Variants in TRMT44 observed in about 807,000 individuals in gnomAD.
TRMT44 encodes tRNA methyltransferase 44 homolog.
A neutral mutation model predicts 77.3 loss-of-function variants in TRMT44; 78 were observed. The observed-to-expected ratio is 1.01, with a 90% confidence interval of 0.84 to 1.22. TRMT44 has a LOEUF of 1.22. TRMT44 is among the 50% of genes most tolerant of loss of function. TRMT44 has a pLI of 0.00. For missense variants in TRMT44, 1,090 were observed against 964.4 expected (o/e 1.13, Z -1.73); for synonymous variants, 391 against 383.3 (o/e 1.02, Z -0.23).
chr4:8,469,308 A>C (rs1316867982), intron 9 of TRMT44, among the ~76,000 whole-genome samples: 2 of 152,090 alleles, frequency 1.3e-5, no homozygotes, highest in African/African-American at 2.4e-5. Flanking sequence ...GCTGCAAACC[A>C]CCAGGCACCG....
At position 8,446,460 on chromosome 4, in the gene TRMT44, C is replaced by G. The variant is rs929906964; in HGVS notation, c.620-16C>G. The G allele has an allele frequency of 2.5e-5, 38 of 1,499,220 alleles. No homozygotes were observed. The highest frequency in any genetic ancestry group is 3.4e-4 in the Middle Eastern group (2 of 5,922). 92.9% of individuals were successfully genotyped at this position (1,499,220 alleles called of 1,614,324 possible). ...TAGGCAGTTGTAATTTGTCCTTCTT[C>G]TCTTTTTCTTTCCAGATGTCCTCAA... On this transcript the variant is annotated splice_polypyrimidine_tract_variant and intron_variant, in intron 1 of 10. Transcript: ENST00000389737. The surrounding 1 kb of genome is among the most constrained non-coding windows in gnomAD (Gnocchi z 4.3).
intron 6 of TRMT44, among the ~76,000 whole-genome samples, chr4:8,460,489 A>G (rs1328836242): frequency 6.6e-6 from 1 of 152,152 alleles, no homozygotes; most frequent in African/African-American, 2.4e-5. Flanking sequence ...CAGGCATATC[A>G]TTTCATAGAA....
chr4:8,453,046 G>A (rs1725558104), intron 5 of TRMT44, 57 bp downstream of exon 5: 2 of 1,096,410 alleles, frequency 1.8e-6, no homozygotes, highest in East Asian at 2.9e-5. Context: ...CCTCAAGTCA[G>A]GCACAGGGTT....
chr4:8,458,339 C>T lies in TRMT44; in HGVS notation c.1203+3526C>T, dbSNP rs969936502. The stretch of plus-strand genomic sequence containing the variant: ...CCTGAGACAGCAAGACCCGTCCCTT[C>T]TCTTCCTTCTCCTCCTCAGCCTGCT... On this transcript the variant is annotated intron_variant, in intron 6 of 10. Coordinates refer to ENST00000389737, the MANE Select transcript of TRMT44 (RefSeq NM_152544.3). Among the ~76,000 whole-genome samples, 10 of 152,298 alleles carry T rather than the reference C, an allele frequency of 6.6e-5. No individual in the cohort carries two copies. The East Asian group carries it at 1.9e-3, about 29-fold the overall frequency.
intron 6 of TRMT44, among the ~76,000 whole-genome samples, chr4:8,463,693 T>C (rs1020019052): frequency 1.3e-5 from 2 of 152,230 alleles, no homozygotes; most frequent in South Asian, 2.1e-4. Flanking sequence ...CTCCTTCTTA[T>C]GCCTGTGGAA....
At chr4:8,481,540 A>G (rs889632898), downstream of TRMT44, among the ~76,000 whole-genome samples, 6 of 152,200 alleles carry the variant, frequency 3.9e-5, no homozygotes, top group Non-Finnish European at 8.8e-5. Flanking sequence ...GGGTTGGGGT[A>G]GCCCTTTCCT....
At position 8,471,139 on chromosome 4, in the gene TRMT44, G is replaced by C; in HGVS notation, c.1983G>C (p.Arg661Ser). 3 of 1,611,422 alleles carry C rather than the reference G, an allele frequency of 1.9e-6. No homozygotes were observed. The Admixed American group carries it at 5.0e-5, about 27-fold the overall frequency. ...ANELDTETLR[R>S]LKRECGGLQT... ...AGCTGGACACGGAGACCCTGCGGAG[G>C]CTGAAGCGGGAGTGTGGGGGCCTGC... is the stretch of plus-strand genomic sequence containing the variant. Residue 661 changes from arginine (R) to serine (S), a missense_variant, in exon 10 of 11, where the codon AGG becomes AGC. Arg to Ser is a moderately radical substitution (Grantham distance 110). Transcript: ENST00000389737.
At chr4:8,480,910 C>A (rs1166657312), downstream of TRMT44, among the ~76,000 whole-genome samples, 1 of 152,152 alleles carries the variant, frequency 6.6e-6, no homozygotes, top group African/African-American at 2.4e-5. Flanking sequence ...TGTGTTTAAC[C>A]ATATTTTGAA....
Position 8,461,723 on chromosome 4 carries a change from G to A in TRMT44, c.1204-2262G>A, listed in dbSNP as rs1726166804. Among the ~76,000 whole-genome samples the A allele has an allele frequency of 1.3e-5, 2 of 152,028 alleles. No homozygotes were observed. The highest frequency in any genetic ancestry group is 6.6e-5 in the Admixed American group (1 of 15,262). On this transcript the variant is annotated intron_variant, in intron 6 of 10. Coordinates refer to ENST00000389737, the MANE Select transcript of TRMT44 (RefSeq NM_152544.3). This position sits in a 1 kb window ranked among gnomAD's most constrained non-coding sequence, Gnocchi z 4.6. ...TTGTTACCTCCCAACCTTCAGTCTC[G>A]GTGCTAAAATAGCCATGTTTATTCT...
intron 2 of TRMT44, 92 bp from the exon 3 acceptor site, chr4:8,449,577 C>T (rs989213536): frequency 9.6e-7 from 1 of 1,036,672 alleles, no homozygotes; most frequent in Non-Finnish European, 1.4e-6. Flanking sequence ...GATGTCTTAG[C>T]TTCTGTTTTC....
Position 8,446,128 on chromosome 4 carries a change from G to C in TRMT44, c.620-348G>C, listed in dbSNP as rs1486816355. 1.3e-5 allele frequency among the ~76,000 whole-genome samples: 2 copies of C among 152,202 alleles called. No individual in the cohort carries two copies. The highest frequency in any genetic ancestry group is 2.4e-5 in the African/African-American group (1 of 41,448). ...TGCCTTGCTCACACTCGAAGATCAT[G>C]GTCAGGCTGTGGCAGACACTCAGTT... is the stretch of plus-strand genomic sequence containing the variant. On this transcript the variant is annotated intron_variant, in intron 1 of 10. Transcript: ENST00000389737. The surrounding 1 kb of genome is among the most constrained non-coding windows in gnomAD (Gnocchi z 4.3).
At chr4:8,464,607 G>A (rs1256718937) in intron 7 of TRMT44, among the ~76,000 whole-genome samples, 1 of 152,174 alleles carries the variant, frequency 6.6e-6, no homozygotes, top group Non-Finnish European at 1.5e-5. Flanking sequence ...AGATTCTTCT[G>A]AGCTGTTTTC....
downstream of TRMT44, among the ~76,000 whole-genome samples, chr4:8,494,928 G>A (rs981319739): frequency 6.6e-6 from 1 of 152,196 alleles, no homozygotes; most frequent in Non-Finnish European, 1.5e-5. Context: ...CACCGTCGTA[G>A]GTGTGTTCTG....
chr4:8,488,818 G>A (rs577961198), intron 2 of TRMT44, among the ~76,000 whole-genome samples: 1 of 152,316 alleles, frequency 6.6e-6, no homozygotes, highest in South Asian at 2.1e-4. Flanking sequence ...CCCAGGCAAA[G>A]GACCTCCTCA....
chr4:8,448,752 C>T (rs1213246129), intron 2 of TRMT44, among the ~76,000 whole-genome samples: 5 of 152,190 alleles, frequency 3.3e-5, no homozygotes, highest in South Asian at 4.1e-4. Flanking sequence ...TCTAATGCAC[C>T]GTGGTGGCAG....
At chr4:8,516,163 T>TG in the TRMT44 span, among the ~76,000 whole-genome samples, 1 of 152,136 alleles carries the variant, frequency 6.6e-6, no homozygotes, top group South Asian at 2.1e-4. Context: ...CGTCCCTGGG[T>TG]GGCCACGCTC....
At chr4:8,463,882 C>T (rs927264580) in intron 6 of TRMT44, 103 bp from the exon 7 acceptor site, 7 of 917,024 alleles carry the variant, frequency 7.6e-6, no homozygotes, top group South Asian at 3.1e-5. Context: ...TGCGGCTCTG[C>T]GCTGTGTGAC....
chr4:8,440,804 T>C lies in TRMT44; in HGVS notation c.-19T>C. 7.0e-7 allele frequency: 1 copy of C among 1,435,978 alleles called. No homozygotes were observed. Among genetic ancestry groups the C allele is most frequent in the Middle Eastern group, 2.5e-4 (1 of 3,996 alleles). 89.0% of individuals were successfully genotyped at this position (1,435,978 alleles called of 1,614,324 possible). On this transcript the variant is annotated 5_prime_UTR_variant, in exon 1 of 11. Transcript: ENST00000389737. ...CATCTCGGCGCGCCGCTGCCAGGGC[T>C]GTACACCTGCTGGCTGCCATGGCTG...
chr4:8,484,773 T>C (rs1325604504), intron 2 of TRMT44, among the ~76,000 whole-genome samples: 1 of 152,138 alleles, frequency 6.6e-6, no homozygotes, highest in African/African-American at 2.4e-5. Flanking sequence ...TTTGTTAGGA[T>C]GGCAAAACCA....
Sources: allele counts gnomAD v4.1 joint callset (sites outside exome capture counted in the v4.1 genomes callset), GRCh38; gene constraint gnomAD v4.1.1; non-coding constraint Gnocchi (gnomAD v3.1); transcripts MANE v1.5; gene names NCBI Gene and HGNC (gene_info 2026-07-23, HGNC 2026-07-21).